The following ROBO1 variants were observed in gnomAD, a reference collection of about 807,000 sequenced individuals.
The protein encoded by ROBO1 is roundabout homolog 1.
In ROBO1, 149 loss-of-function variants were observed where a neutral mutation model predicts 195.9. The ratio of observed to expected loss-of-function variants is 0.76; its 90% CI spans 0.67 to 0.87. ROBO1 has a LOEUF of 0.87. ROBO1 is among the 40% of genes least tolerant of loss of function. ROBO1 has a pLI of 0.00. For synonymous variants in ROBO1, 816 were observed against 733.2 expected, an observed-to-expected ratio of 1.11 and a Z score of -1.82; for missense variants, 1,933 against 2,068.3, an observed-to-expected ratio of 0.93 and a Z score of 1.27.
At chr3:79,434,305 G>A (rs979809254) in intron 2 of ROBO1, among the ~76,000 whole-genome samples, 26 of 152,252 alleles carry the variant, frequency 1.7e-4, no homozygotes, top group Non-Finnish European at 3.5e-4. Context: ...GAAAATTTTT[G>A]CAATCTACTC....
intron 2 of ROBO1, among the ~76,000 whole-genome samples, chr3:79,231,629 T>C (rs554647534): frequency 2.6e-5 from 4 of 152,236 alleles, no homozygotes; most frequent in African/African-American, 9.6e-5. Flanking sequence ...GTAAATTAGT[T>C]CAACAATTGT....
intron 3 of ROBO1, among the ~76,000 whole-genome samples, chr3:79,118,929 A>C (rs2080063912): frequency 6.6e-6 from 1 of 152,260 alleles, no homozygotes; most frequent in South Asian, 2.1e-4. Flanking sequence ...AAAGTAATTA[A>C]ATGAAAATTT....
intron 2 of ROBO1, among the ~76,000 whole-genome samples, chr3:79,580,512 TAAATAAATA>T (rs902845796): frequency 4.6e-5 from 7 of 151,154 alleles, no homozygotes; most frequent in South Asian, 2.1e-4. Context: ...CACAAACAAA[TAAATAAATA>T]AAATAAATAA....
intron 1 of ROBO1, among the ~76,000 whole-genome samples, chr3:79,630,664 A>T (rs1413443525): frequency 6.6e-6 from 1 of 152,026 alleles, no homozygotes; most frequent in Admixed American, 6.6e-5. Flanking sequence ...AATAAAAGGC[A>T]TCCAAATTAT....
At chr3:79,409,813 G>T (rs1484214368) in intron 2 of ROBO1, among the ~76,000 whole-genome samples, 3 of 152,054 alleles carry the variant, frequency 2.0e-5, no homozygotes, top group Non-Finnish European at 4.4e-5. Flanking sequence ...CTCTTAGAAA[G>T]TCAATTCATT....
chr3:78,661,257 T>C lies in ROBO1; in HGVS notation c.2093A>G (p.Asp698Gly). ...TCCTTGTATATACTGAGACTGTTGA[T>C]CTACCTATTAAAAAGACAAGTAAAA... The part of the protein sequence containing the change: ...SSSIEVHWTV[D>G]QQSQYIQGYK... The change falls in exon 16 of 31, where the codon GAT becomes GGT. Residue 698 changes from aspartate to glycine, a missense_variant. This residue lies in a region of ROBO1 where 1,737 missense variants were observed against 1,882.5 expected (regional missense o/e 0.92). Transcript: ENST00000464233. 1 of 1,526,098 alleles carries C rather than the reference T, an allele frequency of 6.6e-7. No homozygotes were observed. The highest frequency in any genetic ancestry group is 8.9e-7 in the Non-Finnish European group (1 of 1,126,160). The allele number at this position is 1,526,098 out of a possible 1,614,324, so 94.5% of individuals were successfully genotyped here. A position where few individuals can be genotyped will look rare whatever the true frequency, so the allele number is the denominator to read the frequency against.
intron 4 of ROBO1, among the ~76,000 whole-genome samples, chr3:78,802,716 T>G (rs905099576): frequency 7.2e-6 from 1 of 138,438 alleles, no homozygotes; most frequent in African/African-American, 3.0e-5. Context: ...AGCATCATCA[T>G]CATCATCATC....
intron 4 of ROBO1, among the ~76,000 whole-genome samples, chr3:78,806,894 G>A (rs1030664662): frequency 4.0e-5 from 6 of 151,470 alleles, no homozygotes; most frequent in African/African-American, 7.3e-5. Flanking sequence ...TGCAACCTCC[G>A]CCTCCCAGGT....
At chr3:78,954,721 G>A (rs2040954457) in intron 3 of ROBO1, among the ~76,000 whole-genome samples, 1 of 146,628 alleles carries the variant, frequency 6.8e-6, no homozygotes, top group Admixed American at 6.7e-5. Context: ...ATGTGAATCT[G>A]CACTTCATTT....
At chr3:79,124,114 C>T (rs2108568913) in intron 3 of ROBO1, among the ~76,000 whole-genome samples, 1 of 152,130 alleles carries the variant, frequency 6.6e-6, no homozygotes, top group East Asian at 1.9e-4. Context: ...CAAATATGAA[C>T]TTCTTTGGTA....
chr3:79,756,545 C>T, intron 1 of ROBO1, among the ~76,000 whole-genome samples: 1 of 84,576 alleles, frequency 1.2e-5, no homozygotes, highest in African/African-American at 4.8e-5. Flanking sequence ...AGCGAAGCAC[C>T]ATCTCAAAAA....
intron 2 of ROBO1, among the ~76,000 whole-genome samples, chr3:79,200,241 A>G (rs926261579): frequency 6.6e-6 from 1 of 151,828 alleles, no homozygotes; most frequent in Admixed American, 6.6e-5. Context: ...GTCAAGGAAG[A>G]TGAGAAAGGT....
At chr3:78,786,077 A>G (rs950325789) in intron 4 of ROBO1, among the ~76,000 whole-genome samples, 5 of 151,542 alleles carry the variant, frequency 3.3e-5, no homozygotes, top group African/African-American at 1.2e-4. Flanking sequence ...TAAAATTAGT[A>G]AAGAGAAATA....
At chr3:79,180,501 C>T (rs765479977) in intron 2 of ROBO1, among the ~76,000 whole-genome samples, 5 of 152,136 alleles carry the variant, frequency 3.3e-5, no homozygotes, top group Non-Finnish European at 5.9e-5. Flanking sequence ...AACTGCCAAT[C>T]GAGGTGATAG....
At chr3:79,058,699 T>C (rs2078859105) in intron 3 of ROBO1, among the ~76,000 whole-genome samples, 1 of 9,232 alleles carries the variant, frequency 1.1e-4, no homozygotes, top group Non-Finnish European at 9.1e-3. Flanking sequence ...TATACACTTG[T>C]ATTAACTCCC....
intron 3 of ROBO1, among the ~76,000 whole-genome samples, chr3:79,010,484 G>T (rs1217326799): frequency 6.6e-6 from 1 of 151,958 alleles, no homozygotes; most frequent in Non-Finnish European, 1.5e-5. Context: ...TAACTTTTAG[G>T]CATTATCAGT....
At chr3:78,947,392 T>C (rs559481074) in intron 3 of ROBO1, among the ~76,000 whole-genome samples, 4 of 152,252 alleles carry the variant, frequency 2.6e-5, no homozygotes, top group African/African-American at 4.8e-5. Context: ...CTCAACTACA[T>C]GGAAACTGAA....
At chr3:79,023,791 C>T (rs1313148565) in intron 3 of ROBO1, among the ~76,000 whole-genome samples, 2 of 149,860 alleles carry the variant, frequency 1.3e-5, no homozygotes, top group Non-Finnish European at 3.0e-5. Flanking sequence ...CAACCTCCGC[C>T]TCCCATGTCC....
rs937748489 is a variant in ROBO1 at position 79,585,518 on chromosome 3, G to A, written c.88+4306C>T. ...CAAGAAACATAAGCAAAACCAAAGC[G>A]AAATAAACCAGTAGTGGCATCAAAT... On this transcript the variant is annotated intron_variant, in intron 2 of 30. Coordinates refer to ENST00000464233, the MANE Select transcript of ROBO1 (RefSeq NM_002941.4). Among the ~76,000 whole-genome samples the A allele has an allele frequency of 8.6e-5, 13 of 152,026 alleles. No homozygotes were observed. In the Middle Eastern group the frequency reaches 0.01, roughly 120 times the overall value.
Sources: gnomAD v4.1 joint callset for allele counts (sites outside exome capture counted in the v4.1 genomes callset) on GRCh38, gnomAD v4.1.1 for gene constraint, gnomAD v4.1.1 regional missense constraint, MANE v1.5 for transcripts, NCBI Gene and HGNC (gene_info 2026-07-23, HGNC 2026-07-21) for gene names.